SORCS3: variants seen among roughly 807,000 people sequenced by gnomAD.
SORCS3 encodes the protein sortilin related VPS10 domain containing receptor 3, also known as VPS10 domain-containing receptor SorCS3.
SORCS3 carries 57 observed loss-of-function variants against 146.3 expected under a neutral mutation model. That is an observed-to-expected ratio of 0.39 (90% CI 0.31 to 0.49). The LOEUF is 0.49. Among genes scored for constraint, SORCS3 ranks in the 20% least tolerant of loss-of-function variants. The probability of loss-of-function intolerance (pLI) is 0.92; values close to 1 mark genes in which losing one functional copy is unlikely to be tolerated. For missense variants in SORCS3, 1,341 were observed against 1,575.5 expected (o/e 0.85, Z 2.52); for synonymous variants, 653 against 618.5 (o/e 1.06, Z -0.83).
At chr10:105,089,220 A>AT (rs1304913160) in intron 5 of SORCS3, among the ~76,000 whole-genome samples, 2 of 152,222 alleles carry the variant, frequency 1.3e-5, no homozygotes, top group African/African-American at 4.8e-5. Context: ...TTGAATGTCT[A>AT]TTGCCAAACT....
At chr10:104,836,181 A>C (rs2018065243) in intron 1 of SORCS3, among the ~76,000 whole-genome samples, 1 of 152,192 alleles carries the variant, frequency 6.6e-6, no homozygotes, top group South Asian at 2.1e-4. Context: ...GAGTGTGGGC[A>C]CTTCCTCTCA....
chr10:104,824,925 A>G (rs1197142531), intron 1 of SORCS3, among the ~76,000 whole-genome samples: 1 of 152,312 alleles, frequency 6.6e-6, no homozygotes, highest in East Asian at 1.9e-4. Context: ...CCCTGAAATG[A>G]AAAGAGACAA....
intron 7 of SORCS3, among the ~76,000 whole-genome samples, chr10:105,134,011 T>G (rs1446053398): frequency 6.6e-6 from 1 of 152,150 alleles, no homozygotes; most frequent in Non-Finnish European, 1.5e-5. Context: ...TTTCCGGGAA[T>G]GCAAGGAAAC....
At chr10:104,966,111 A>G (rs1245334060) in intron 3 of SORCS3, among the ~76,000 whole-genome samples, 2 of 151,898 alleles carry the variant, frequency 1.3e-5, no homozygotes, top group Non-Finnish European at 2.9e-5. Flanking sequence ...GTTTTGTCAC[A>G]TGTTTTACAG....
chr10:104,961,036 A>G (rs200431753), intron 3 of SORCS3, among the ~76,000 whole-genome samples: 1 of 152,158 alleles, frequency 6.6e-6, no homozygotes, highest in South Asian at 2.1e-4. Flanking sequence ...CAAGATGCTT[A>G]TAAATTAGGT....
chr10:104,642,737 C>T (rs1053824203), intron 1 of SORCS3, among the ~76,000 whole-genome samples: 4 of 152,238 alleles, frequency 2.6e-5, no homozygotes, highest in Non-Finnish European at 4.4e-5. Context: ...CCATTGCGTC[C>T]TGCGCCACAA....
intron 7 of SORCS3, among the ~76,000 whole-genome samples, chr10:105,120,911 T>A (rs1379532973): frequency 2.0e-5 from 3 of 152,274 alleles, no homozygotes; most frequent in South Asian, 4.1e-4. Flanking sequence ...TCCATGGGCA[T>A]GAGAAGTAAG....
chr10:105,102,642 A>G (rs973866556), intron 6 of SORCS3, among the ~76,000 whole-genome samples: 2 of 152,124 alleles, frequency 1.3e-5, no homozygotes, highest in African/African-American at 4.8e-5. Flanking sequence ...CAATTTGCCT[A>G]TGCACATGTG....
intron 1 of SORCS3, among the ~76,000 whole-genome samples, chr10:104,658,730 T>C (rs17117504): frequency 0.065 from 9,891 of 152,058 alleles, 441 homozygotes; most frequent in Non-Finnish European, 0.086. Context: ...TTATTGTGCA[T>C]GATGATGATG....
At chr10:104,887,114 A>T (rs986052973) in intron 2 of SORCS3, among the ~76,000 whole-genome samples, 12 of 152,200 alleles carry the variant, frequency 7.9e-5, no homozygotes, top group African/African-American at 2.9e-4. Flanking sequence ...GAGACAAAAG[A>T]TTCACATGCA....
At chr10:104,837,696 T>G (rs750704017) in intron 1 of SORCS3, among the ~76,000 whole-genome samples, 2 of 152,230 alleles carry the variant, frequency 1.3e-5, no homozygotes, top group African/African-American at 4.8e-5. Flanking sequence ...GAGCTCTAGA[T>G]CTCTCTCCCT....
chr10:104,808,521 T>C (rs1174421154), intron 1 of SORCS3, among the ~76,000 whole-genome samples: 2 of 152,056 alleles, frequency 1.3e-5, no homozygotes, highest in Non-Finnish European at 2.9e-5. Flanking sequence ...CATTCACCTG[T>C]AATGGATGAT....
intron 1 of SORCS3, among the ~76,000 whole-genome samples, chr10:104,805,235 T>C (rs1415881881): frequency 6.6e-6 from 1 of 152,180 alleles, no homozygotes; most frequent in Non-Finnish European, 1.5e-5. Context: ...AGATGCAAAT[T>C]GTCTTGAGAA....
intron 1 of SORCS3, among the ~76,000 whole-genome samples, chr10:104,817,132 C>A: frequency 6.6e-6 from 1 of 152,146 alleles, no homozygotes; most frequent in South Asian, 2.1e-4. Flanking sequence ...GATCTACAGT[C>A]ATCTTGAAGG....
chr10:105,255,044 C>T (rs2056922318), intron 23 of SORCS3, among the ~76,000 whole-genome samples: 1 of 151,204 alleles, frequency 6.6e-6, no homozygotes, highest in Admixed American at 6.6e-5. Flanking sequence ...AAAAATTAGC[C>T]GGGCGAGGAG....
intron 1 of SORCS3, among the ~76,000 whole-genome samples, chr10:104,710,803 A>G (rs950989957): frequency 2.6e-5 from 4 of 152,084 alleles, no homozygotes; most frequent in African/African-American, 9.7e-5. Flanking sequence ...TTCCTCTCTC[A>G]TTAAGAAGTT....
chr10:104,740,498 C>G (rs1184806728), intron 1 of SORCS3, among the ~76,000 whole-genome samples: 1 of 152,158 alleles, frequency 6.6e-6, no homozygotes, highest in Non-Finnish European at 1.5e-5. Flanking sequence ...TGTTTATGTT[C>G]TCATAGCCTG....
intron 3 of SORCS3, among the ~76,000 whole-genome samples, chr10:104,976,066 T>C (rs2054895548): frequency 6.6e-6 from 1 of 152,180 alleles, no homozygotes; most frequent in South Asian, 2.1e-4. Context: ...AAATGGGATC[T>C]AATTAAACTA....
intron 14 of SORCS3, among the ~76,000 whole-genome samples, chr10:105,192,961 G>A (rs779229802): frequency 2.0e-5 from 3 of 152,162 alleles, no homozygotes; most frequent in Non-Finnish European, 4.4e-5. Context: ...ATTACATTTA[G>A]TGTGGCATTC....
Sources: gnomAD v4.1 joint callset for allele counts (sites outside exome capture counted in the v4.1 genomes callset) on GRCh38, gnomAD v4.1.1 for gene constraint, MANE v1.5 for transcripts, NCBI Gene and HGNC (gene_info 2026-07-23, HGNC 2026-07-21) for gene names.